ERCC3: variants seen among roughly 807,000 people sequenced by gnomAD.
The protein encoded by ERCC3 is ERCC excision repair 3, TFIIH core complex helicase subunit.
In ERCC3, 66 loss-of-function variants were observed where a neutral mutation model predicts 94.2. The observed-to-expected ratio is 0.70, with a 90% confidence interval of 0.57 to 0.86. The LOEUF (loss-of-function observed/expected upper bound fraction) is 0.86. ERCC3 is among the 40% of genes least tolerant of loss of function. ERCC3 has a pLI of 0.00. For missense variants in ERCC3, 829 were observed against 987.1 expected (o/e 0.84, Z 2.15); for synonymous variants, 349 against 369.1 (o/e 0.95, Z 0.63).
Position 127,271,437 on chromosome 2 carries a change from A to G in ERCC3, c.1844T>C (p.Phe615Ser). ...IFISKVGDTS[F>S]DLPEANVLIQ... ...GAGGACATTTGCTTCCGGCAGATCAAACGAAGTGTCACCTACCTACAGAAA... is the reference window on the plus strand; with the variant it reads ...GAGGACATTTGCTTCCGGCAGATCAGACGAAGTGTCACCTACCTACAGAAA... Residue 615 changes from phenylalanine (F) to serine (S), a missense_variant, in exon 12 of 15, where the codon TTT (phenylalanine) becomes TCT (serine). Physicochemically the swap from Phe to Ser is radical, Grantham distance 155. Transcript: ENST00000285398. The surrounding 1 kb of genome is among the most constrained non-coding windows in gnomAD (Gnocchi z 5.0). 1 of 1,613,976 alleles carries G rather than the reference A, an allele frequency of 6.2e-7. No homozygotes were observed. Among genetic ancestry groups the G allele is most frequent in the Non-Finnish European group, 8.5e-7 (1 of 1,179,826 alleles).
chr2:127,284,718 C>CT lies in ERCC3; in HGVS notation c.1342+1984dup, dbSNP rs1179584770. Reference sequence around the variant, plus strand: ...TTTTTTTGAGACAGAGTCTCACACTCTGTCACCCATGCTGGAGTACAGTTG... The same window carrying CT: ...TTTTTTTGAGACAGAGTCTCACACTCTTGTCACCCATGCTGGAGTACAGTTG... On this transcript the variant is annotated intron_variant, in intron 8 of 14. Transcript: ENST00000285398. The surrounding 1 kb of genome is among the most constrained non-coding windows in gnomAD (Gnocchi z 4.1). Among the ~76,000 whole-genome samples the CT allele has an allele frequency of 1.3e-5, 2 of 151,696 alleles. No homozygotes were observed. The highest frequency in any genetic ancestry group is 2.9e-5 in the Non-Finnish European group (2 of 67,968).
chr2:127,276,100 G>T (rs894397814), intron 10 of ERCC3, among the ~76,000 whole-genome samples: 1 of 152,156 alleles, frequency 6.6e-6, no homozygotes, highest in African/African-American at 2.4e-5. Context: ...CAGAGATGAG[G>T]GAAAAGGCAA....
chr2:127,263,746 C>A (rs535791296), intron 12 of ERCC3, among the ~76,000 whole-genome samples: 1 of 149,040 alleles, frequency 6.7e-6, no homozygotes, highest in African/African-American at 2.5e-5. Flanking sequence ...CTCGCTCTGT[C>A]GCCCAGGCTG....
In ERCC3 at chr2:127,289,497, G is replaced by A. The variant is rs1167535533; in HGVS notation, c.662C>T (p.Ser221Phe). Residue 221 changes from serine (S) to phenylalanine (F), a missense_variant, in exon 6 of 15, where the codon TCT (serine) becomes TTT (phenylalanine). Ser to Phe is a radical substitution (Grantham distance 155, BLOSUM62 -2). Coordinates refer to ENST00000285398, the MANE Select transcript of ERCC3 (RefSeq NM_000122.2). ...TETFTSKSAI[S>F]KTAESSGGPS... ...CCCACCACTGCTTTCAGCAGTCTTA[G>A]AAATCTGTGAGAGAGGTAGGTGCTG... 1.2e-6 allele frequency: 2 copies of A among 1,612,368 alleles called. No homozygotes were observed. The highest frequency in any genetic ancestry group is 1.3e-5 in the African/African-American group (1 of 74,874).
At position 127,279,411 on chromosome 2, in the gene ERCC3, G is replaced by T; in HGVS notation, c.1528-36C>A. The T allele has an allele frequency of 6.8e-7, 1 of 1,469,416 alleles. No individual in the cohort carries two copies. Among genetic ancestry groups the T allele is most frequent in the Non-Finnish European group, 9.5e-7 (1 of 1,048,060 alleles). The allele number at this position is 1,469,416 out of a possible 1,614,324, so 91.0% of individuals were successfully genotyped here. ...GTAAGAACCAGGGGTCATTTTACAAGTTTAAACACCACACAATTTAAAACT... is the reference window on the plus strand; with the variant it reads ...GTAAGAACCAGGGGTCATTTTACAATTTTAAACACCACACAATTTAAAACT... On this transcript the variant is annotated intron_variant, in intron 9 of 14. Transcript: ENST00000285398. This position sits in a 1 kb window ranked among gnomAD's most constrained non-coding sequence, Gnocchi z 4.7.
intron 10 of ERCC3, among the ~76,000 whole-genome samples, chr2:127,275,960 C>T (rs915496161): frequency 1.3e-5 from 2 of 152,094 alleles, no homozygotes; most frequent in African/African-American, 2.4e-5. Flanking sequence ...CACCAGTTGC[C>T]TGAGAAGGTG....
chr2:127,293,189 T>C (rs1685337164), intron 2 of ERCC3, among the ~76,000 whole-genome samples: 1 of 152,250 alleles, frequency 6.6e-6, no homozygotes, highest in Non-Finnish European at 1.5e-5. Context: ...CGAACATGTC[T>C]TCCATTATTT....
At chr2:127,282,806 C>A (rs1684957023) in intron 8 of ERCC3, among the ~76,000 whole-genome samples, 1 of 152,194 alleles carries the variant, frequency 6.6e-6, no homozygotes, top group African/African-American at 2.4e-5. Context: ...GAGAGACAGA[C>A]AAACTCACAG....
At chr2:127,282,307 A>G (rs952886475) in intron 8 of ERCC3, among the ~76,000 whole-genome samples, 3 of 152,164 alleles carry the variant, frequency 2.0e-5, no homozygotes, top group African/African-American at 7.2e-5. Flanking sequence ...ATCACTCAAC[A>G]TTATGTCATG....
chr2:127,272,314 C>T (rs867804215), intron 11 of ERCC3, among the ~76,000 whole-genome samples: 4 of 152,112 alleles, frequency 2.6e-5, no homozygotes, highest in South Asian at 4.1e-4. Context: ...TGTGAGCCAC[C>T]GCGCCCGGTT....
At position 127,265,204 on chromosome 2, in the gene ERCC3, T is replaced by C. The variant is rs559840472; in HGVS notation, c.1946-3858A>G. Among the ~76,000 whole-genome samples, 3 of 152,310 alleles carry C rather than the reference T, an allele frequency of 2.0e-5. No individual in the cohort carries two copies. The South Asian group carries it at 6.2e-4, about 32-fold the overall frequency. ...TCTCCTTATTGATCTGTTCAGGGTT[T>C]CAATTAATTTCTGATTCAATCTTGG... is the stretch of plus-strand genomic sequence containing the variant. On this transcript the variant is annotated intron_variant, in intron 12 of 14. Coordinates refer to ENST00000285398, the MANE Select transcript of ERCC3 (RefSeq NM_000122.2).
intron 12 of ERCC3, among the ~76,000 whole-genome samples, chr2:127,268,146 G>A (rs1684439422): frequency 6.6e-6 from 1 of 151,972 alleles, no homozygotes; most frequent in South Asian, 2.1e-4. Flanking sequence ...TGGAGATGGG[G>A]TTTCACCATG....
Position 127,279,440 on chromosome 2 carries a change from G to T in ERCC3, c.1528-65C>A. On this transcript the variant is annotated intron_variant, in intron 9 of 14. Transcript: ENST00000285398. This position sits in a 1 kb window ranked among gnomAD's most constrained non-coding sequence, Gnocchi z 4.7. The stretch of plus-strand genomic sequence containing the variant: ...AAACACCACACAATTTAAAACTTTT[G>T]AAGACCTTTCTCTAGCAGAATTAGC... The T allele has an allele frequency of 7.9e-7, 1 of 1,263,228 alleles. No homozygotes were observed. Among genetic ancestry groups the T allele is most frequent in the Non-Finnish European group, 1.2e-6 (1 of 861,034 alleles). 78.3% of individuals were successfully genotyped at this position (1,263,228 alleles called of 1,614,324 possible). A position where few individuals can be genotyped will look rare whatever the true frequency, so the allele number is the denominator to read the frequency against.
rs1165460781 is a variant in ERCC3 at position 127,271,548 on chromosome 2, A to G, written c.1828-95T>C. The G allele has an allele frequency of 4.6e-5, 41 of 892,732 alleles. No homozygotes were observed. Among genetic ancestry groups the G allele is most frequent in the Non-Finnish European group, 7.3e-5 (39 of 531,086 alleles). The allele number at this position is 892,732 out of a possible 1,614,324, so 55.3% of individuals were successfully genotyped here. A position where few individuals can be genotyped will look rare whatever the true frequency, so the allele number is the denominator to read the frequency against. ...TAAGTTCTGTAGATAATTTTGAAAC[A>G]TAATCACTCTTTTCTCCTCTTTATA... On this transcript the variant is annotated intron_variant, in intron 11 of 14. Transcript: ENST00000285398. This position sits in a 1 kb window ranked among gnomAD's most constrained non-coding sequence, Gnocchi z 5.0.
rs2104762793 is a variant in ERCC3, at chr2:127,280,982, A to G, written c.1343-351T>C. The G allele has an allele frequency of 2.2e-6, 1 of 452,384 alleles. No individual in the cohort carries two copies. The highest frequency in any genetic ancestry group is 3.9e-6 in the Non-Finnish European group (1 of 257,984). 28.0% of individuals were successfully genotyped at this position (452,384 alleles called of 1,614,324 possible). ...ACCATCACTTTTAGACCTGTCCAAAAGAAAATGAAAAGGAGAACAAGAGGG... is the reference window on the plus strand; with the variant it reads ...ACCATCACTTTTAGACCTGTCCAAAGGAAAATGAAAAGGAGAACAAGAGGG... On this transcript the variant is annotated intron_variant, in intron 8 of 14. Coordinates refer to ENST00000285398, the MANE Select transcript of ERCC3 (RefSeq NM_000122.2). This position sits in a 1 kb window ranked among gnomAD's most constrained non-coding sequence, Gnocchi z 6.3.
intron 6 of ERCC3, 121 bp from the exon 7 acceptor site, chr2:127,288,985 G>A: frequency 1.1e-6 from 1 of 877,054 alleles, no homozygotes; most frequent in South Asian, 1.3e-5. Context: ...CAAGATTTTA[G>A]ATCTTGCTCA....
chr2:127,276,955 G>T (rs754087866), intron 10 of ERCC3, among the ~76,000 whole-genome samples: 2 of 152,166 alleles, frequency 1.3e-5, no homozygotes, highest in African/African-American at 4.8e-5. Context: ...CCAAACTACT[G>T]ATCAAGTATA....
chr2:127,272,015 T>C (rs1684572255), intron 11 of ERCC3, among the ~76,000 whole-genome samples: 1 of 133,094 alleles, frequency 7.5e-6, no homozygotes, highest in Non-Finnish European at 1.6e-5. Context: ...TTCTTTTTTT[T>C]TTTTTTTTTT....
chr2:127,285,787 G>A (rs1685045871), intron 8 of ERCC3, among the ~76,000 whole-genome samples: 1 of 151,568 alleles, frequency 6.6e-6, no homozygotes, highest in Non-Finnish European at 1.5e-5. Flanking sequence ...AGAGGCGGAG[G>A]TTGCAGTGGG....
Sources: allele counts gnomAD v4.1 joint callset (sites outside exome capture counted in the v4.1 genomes callset), GRCh38; gene constraint gnomAD v4.1.1; non-coding constraint Gnocchi (gnomAD v3.1); transcripts MANE v1.5; gene names NCBI Gene and HGNC (gene_info 2026-07-23, HGNC 2026-07-21).